The following THSD7B variants were observed in gnomAD, a reference collection of about 807,000 sequenced individuals.
THSD7B encodes thrombospondin type-1 domain-containing protein 7B.
A neutral mutation model predicts 213.6 loss-of-function variants in THSD7B; 138 were observed. The ratio of observed to expected loss-of-function variants is 0.65; its 90% confidence interval spans 0.56 to 0.74. The LOEUF (loss-of-function observed/expected upper bound fraction) is 0.74. Among genes scored for constraint, THSD7B ranks in the 30% least tolerant of loss-of-function variants. The pLI is 0.00. For synonymous variants in THSD7B, 742 were observed against 687.0 expected, an observed-to-expected ratio of 1.08 and a Z score of -1.25; for missense variants, 1,931 against 1,991.5, an observed-to-expected ratio of 0.97 and a Z score of 0.58.
chr2:137,056,880 G>C lies in THSD7B; in HGVS notation c.600G>C (p.Gln200His). 6.2e-7 allele frequency: 1 copy of C among 1,613,932 alleles called. No individual in the cohort carries two copies. The change falls in exon 3 of 28, where the codon CAG (glutamine) becomes CAC (histidine). Residue 200 changes from glutamine (Q) to histidine (H), a missense_variant. Gln to His is a conservative substitution (Grantham distance 24). Transcript: ENST00000409968. Reference sequence around the variant, plus strand: ...GCAAGGGATGTGGGAAGAAATTGCAGCATAGAACTCGCGCGGTCATAGCTC... The same window carrying C: ...GCAAGGGATGTGGGAAGAAATTGCACCATAGAACTCGCGCGGTCATAGCTC... The part of the protein sequence containing the change: ...NCSKGCGKKL[Q>H]HRTRAVIAPP...
intron 15 of THSD7B, among the ~76,000 whole-genome samples, chr2:137,513,578 C>G (rs1680010820): frequency 6.6e-6 from 1 of 152,080 alleles, no homozygotes; most frequent in African/African-American, 2.4e-5. Context: ...ATAAATATAA[C>G]AAAAATCTTC....
chr2:137,215,594 G>A (rs1002911614), intron 7 of THSD7B, among the ~76,000 whole-genome samples: 1 of 152,146 alleles, frequency 6.6e-6, no homozygotes, highest in Admixed American at 6.6e-5. Flanking sequence ...ATGACTGAAC[G>A]AAGATGACCA....
At chr2:137,624,056 C>G (rs1033596320) in intron 20 of THSD7B, among the ~76,000 whole-genome samples, 1 of 152,244 alleles carries the variant, frequency 6.6e-6, no homozygotes, top group African/African-American at 2.4e-5. Flanking sequence ...CTGTAGGCTT[C>G]ATGCTACCTG....
At chr2:137,108,629 C>T (rs998138867) in intron 4 of THSD7B, among the ~76,000 whole-genome samples, 1 of 152,014 alleles carries the variant, frequency 6.6e-6, no homozygotes, top group African/African-American at 2.4e-5. Flanking sequence ...CGTGTATTTC[C>T]ACAGTTACAG....
intron 2 of THSD7B, among the ~76,000 whole-genome samples, chr2:136,927,804 C>T (rs1390695127): frequency 6.6e-6 from 1 of 152,154 alleles, no homozygotes; most frequent in Non-Finnish European, 1.5e-5. Flanking sequence ...AACTTTTTGT[C>T]AACAGCTCAA....
chr2:137,431,311 G>A (rs548255270), intron 14 of THSD7B, among the ~76,000 whole-genome samples: 16 of 152,274 alleles, frequency 1.1e-4, no homozygotes, highest in African/African-American at 3.6e-4. Context: ...TTGACAGAAA[G>A]GGAATGTTCA....
intron 7 of THSD7B, among the ~76,000 whole-genome samples, chr2:137,176,527 C>G (rs1680360271): frequency 6.6e-6 from 1 of 152,136 alleles, no homozygotes; most frequent in African/African-American, 2.4e-5. Flanking sequence ...ATTAGCAATG[C>G]AGATTCAGAG....
intron 1 of THSD7B, among the ~76,000 whole-genome samples, chr2:136,856,159 T>C (rs750419699): frequency 2.0e-5 from 3 of 152,334 alleles, no homozygotes; most frequent in East Asian, 1.9e-4. Context: ...CTTCTGTTCT[T>C]GGACAGTCAC....
chr2:136,965,417 A>G (rs1007785666), intron 2 of THSD7B, among the ~76,000 whole-genome samples: 19 of 152,220 alleles, frequency 1.2e-4, no homozygotes, highest in African/African-American at 4.6e-4. Context: ...AGAGGATCAG[A>G]GAAGTCCTCA....
At chr2:137,252,980 T>C (rs1682223180) in intron 10 of THSD7B, among the ~76,000 whole-genome samples, 1 of 143,632 alleles carries the variant, frequency 7.0e-6, no homozygotes, top group African/African-American at 2.6e-5. Flanking sequence ...GTGAATTAGG[T>C]AGAAATATAG....
intron 1 of THSD7B, among the ~76,000 whole-genome samples, chr2:136,778,686 C>T (rs1245132986): frequency 1.3e-5 from 2 of 152,056 alleles, no homozygotes; most frequent in Non-Finnish European, 2.9e-5. Context: ...TAGGTTTATT[C>T]CATATTTACT....
At chr2:136,907,229 G>A (rs889493829) in intron 2 of THSD7B, among the ~76,000 whole-genome samples, 10 of 152,154 alleles carry the variant, frequency 6.6e-5, no homozygotes, top group Admixed American at 6.5e-4. Context: ...ACAAGTGTGA[G>A]CCACCACTCC....
intron 2 of THSD7B, among the ~76,000 whole-genome samples, chr2:136,912,109 T>C (rs2105024460): frequency 6.6e-6 from 1 of 151,844 alleles, no homozygotes; most frequent in Admixed American, 6.6e-5. Flanking sequence ...GGTCAAGAGT[T>C]CTAGACCAGC....
At chr2:136,880,933 A>G (rs1284972766) in intron 1 of THSD7B, among the ~76,000 whole-genome samples, 2 of 152,144 alleles carry the variant, frequency 1.3e-5, no homozygotes, top group Non-Finnish European at 2.9e-5. Context: ...CTCATATGCC[A>G]TTCACAGCTC....
intron 3 of THSD7B, among the ~76,000 whole-genome samples, chr2:137,067,049 G>C (rs756715409): frequency 6.6e-6 from 1 of 151,856 alleles, no homozygotes; most frequent in Non-Finnish European, 1.5e-5. Context: ...TCTTTGTTAG[G>C]GTTTCCATCT....
At chr2:136,869,792 G>A (rs995387400) in intron 1 of THSD7B, among the ~76,000 whole-genome samples, 4 of 152,164 alleles carry the variant, frequency 2.6e-5, no homozygotes, top group Non-Finnish European at 5.9e-5. Flanking sequence ...GAGTGTCAGC[G>A]GCTGGGCACG....
intron 7 of THSD7B, among the ~76,000 whole-genome samples, chr2:137,225,639 C>A (rs1681479764): frequency 6.6e-6 from 1 of 152,096 alleles, no homozygotes; most frequent in South Asian, 2.1e-4. Context: ...TATGAATATT[C>A]AGTGAAATAC....
At chr2:136,954,714 C>CAAAAAAAAAAA (rs11378111) in intron 2 of THSD7B, among the ~76,000 whole-genome samples, 1 of 89,398 alleles carries the variant, frequency 1.1e-5, no homozygotes, top group East Asian at 3.6e-4. Context: ...GACTCTGTCT[C>CAAAAAAAAAAA]AAAAAAAAAA....
At chr2:137,221,270 G>C (rs1681364065) in intron 7 of THSD7B, among the ~76,000 whole-genome samples, 1 of 152,006 alleles carries the variant, frequency 6.6e-6, no homozygotes, top group African/African-American at 2.4e-5. Context: ...CTGGGTGACA[G>C]AGCAAGGCTC....
Sources: gnomAD v4.1 joint callset for allele counts (sites outside exome capture counted in the v4.1 genomes callset) on GRCh38, gnomAD v4.1.1 for gene constraint, MANE v1.5 for transcripts, NCBI Gene and HGNC (gene_info 2026-07-23, HGNC 2026-07-21) for gene names.